Variants in TUBA3C observed in about 807,000 individuals in gnomAD.
TUBA3C encodes tubulin alpha 3c.
TUBA3C carries 23 observed loss-of-function variants against 33.4 expected under a neutral mutation model. The ratio of observed to expected loss-of-function variants is 0.69; its 90% CI spans 0.50 to 0.98. The LOEUF is 0.98. TUBA3C is among the 50% of genes least tolerant of loss of function. The pLI is 0.00. For synonymous variants in TUBA3C, 269 were observed against 250.4 expected (o/e 1.07, Z -0.70); for missense variants, 402 against 616.0 (o/e 0.65, Z 3.68).
rs867660150 is a variant in TUBA3C, at chr13:19,181,815, G to C, written c.-68C>G. ...CTCAACCGCCGCTGCAGCTGCGCAC[G>C]CCCAACGACAGCCTCCCGCCGTGCG... On this transcript the variant is annotated 5_prime_UTR_variant, in exon 1 of 5. Transcript: ENST00000400113. 2 of 1,586,940 alleles carry C rather than the reference G, an allele frequency of 1.3e-6. No individual in the cohort carries two copies. The highest frequency in any genetic ancestry group is 2.7e-5 in the African/African-American group (2 of 74,732).
rs141018590 is a variant in TUBA3C, at chr13:19,181,723, G to C, written c.3+22C>G. The C allele has an allele frequency of 6.5e-5, 104 of 1,601,970 alleles. No individual in the cohort carries two copies. The African/African-American group carries it at 1.3e-3, about 20-fold the overall frequency. On this transcript the variant is annotated intron_variant, in intron 1 of 4. Coordinates refer to ENST00000400113, the MANE Select transcript of TUBA3C (RefSeq NM_006001.3). ...CACCCTCCAGCCTGGGCGTCTGCGG[G>C]GTGGGAGTGACCTGGCCTTACCATG...
At chr13:19,178,093 A>G (rs542368005) in intron 3 of TUBA3C, among the ~76,000 whole-genome samples, 153 bp downstream of exon 3, 1 of 152,254 alleles carries the variant, frequency 6.6e-6, no homozygotes, top group East Asian at 1.9e-4. Flanking sequence ...GTGACTGCCC[A>G]CCTTGGCCTC....
At chr13:19,176,792 C>A in intron 4 of TUBA3C, 135 bp downstream of exon 4, 1 of 440,240 alleles carries the variant, frequency 2.3e-6, no homozygotes, top group Non-Finnish European at 3.8e-6. Context: ...CTCTGGTTCA[C>A]TAATTGATGC....
rs1354838240 is a variant in TUBA3C at position 19,179,563 on chromosome 13, G to C, written c.4C>G (p.Arg2Gly). ...CCCACGTGGATAGAGATACACTCAC[G>C]CTGTGAACCAGAACATAAATGTAGA... M[R>G]ECISIHVGQA... Residue 2 changes from arginine to glycine, a missense_variant and splice_region_variant, in exon 2 of 5, where the codon CGT becomes GGT. Transcript: ENST00000400113. 6.2e-7 allele frequency: 1 copy of C among 1,613,520 alleles called. No individual in the cohort carries two copies. Among genetic ancestry groups the C allele is most frequent in the Middle Eastern group, 1.6e-4 (1 of 6,062 alleles).
Position 19,173,890 on chromosome 13 carries a change from G to C in TUBA3C, c.1326C>G (p.Ala442=). ...YEEVGVDSVE[A]EAEEGEEY ...AGTATTCTTCACCTTCTTCAGCCTC[G>C]GCTTCCACGGAATCCACGCCCACCT... The change falls in exon 5 of 5, where the codon GCC becomes GCG. Residue 442 remains alanine, a synonymous_variant. Coordinates refer to ENST00000400113, the MANE Select transcript of TUBA3C (RefSeq NM_006001.3). The C allele has an allele frequency of 5.6e-6, 9 of 1,613,918 alleles. No individual in the cohort carries two copies. The highest frequency in any genetic ancestry group is 7.6e-6 in the Non-Finnish European group (9 of 1,179,926).
rs746900026 is a variant in TUBA3C, at chr13:19,173,836, G to A, written c.*27C>T. 6.3e-7 allele frequency: 1 copy of A among 1,594,862 alleles called. No homozygotes were observed. Among genetic ancestry groups the A allele is most frequent in the Non-Finnish European group, 8.6e-7 (1 of 1,169,268 alleles). Reference sequence around the variant, plus strand: ...AGCAGCCACGCTGGGGGTGGCAGTGGAGTGGAGAACCCACCACACCCTCCC... The same window carrying A: ...AGCAGCCACGCTGGGGGTGGCAGTGAAGTGGAGAACCCACCACACCCTCCC... On this transcript the variant is annotated 3_prime_UTR_variant, in exon 5 of 5. Transcript: ENST00000400113.
At chr13:19,175,808 A>G (rs937037459) in intron 4 of TUBA3C, among the ~76,000 whole-genome samples, 1 of 151,864 alleles carries the variant, frequency 6.6e-6, no homozygotes, top group African/African-American at 2.4e-5. Flanking sequence ...CAGTGGAGTG[A>G]TATCTTCTCA....
At chr13:19,175,972 G>C (rs1869166107) in intron 4 of TUBA3C, among the ~76,000 whole-genome samples, 1 of 152,176 alleles carries the variant, frequency 6.6e-6, no homozygotes, top group African/African-American at 2.4e-5. Context: ...TCAAACTCCT[G>C]ACCTCAGGTG....
chr13:19,180,751 T>A (rs1348741765), intron 1 of TUBA3C, among the ~76,000 whole-genome samples: 2 of 151,670 alleles, frequency 1.3e-5, no homozygotes, highest in Non-Finnish European at 2.9e-5. Flanking sequence ...CGCCTTGGCC[T>A]CCCAAAGTGC....
chr13:19,178,482 T>C, intron 2 of TUBA3C, 88 bp from the exon 3 acceptor site: 1 of 1,543,278 alleles, frequency 6.5e-7, no homozygotes, highest in Non-Finnish European at 8.8e-7. Flanking sequence ...TTCTACAAAG[T>C]ACATGCTGTT....
At chr13:19,174,274 C>T (rs947622980) in intron 4 of TUBA3C, 115 bp from the exon 5 acceptor site, 7 of 1,398,246 alleles carry the variant, frequency 5.0e-6, no homozygotes, top group African/African-American at 1.4e-5. Flanking sequence ...TCTCAGTTCA[C>T]CCCACAAATG....
chr13:19,179,451 T>C lies in TUBA3C; in HGVS notation c.116A>G (p.Asp39Gly), dbSNP rs765282754. The change falls in exon 2 of 5, where the codon GAT (aspartate) becomes GGT (glycine). Residue 39 changes from aspartate (D) to glycine (G), a missense_variant. Asp to Gly is a moderately conservative substitution (Grantham distance 94). Coordinates refer to ENST00000400113, the MANE Select transcript of TUBA3C (RefSeq NM_006001.3). ...GIQPDGQMPS[D>G]KTIGGGDDSF... is the part of the protein sequence containing the mutation. ...GTCGTCCCCACCACCAATGGTTTTA[T>C]CACTTGGCATCTGACCATCGGGCTG... The C allele has an allele frequency of 8.7e-6, 14 of 1,614,100 alleles. No homozygotes were observed. The highest frequency in any genetic ancestry group is 1.2e-5 in the Non-Finnish European group (14 of 1,179,978).
rs952406256 is a variant in TUBA3C, at chr13:19,180,665, T to G, written c.3+1080A>C. Among the ~76,000 whole-genome samples the G allele has an allele frequency of 3.3e-5, 5 of 151,988 alleles. No homozygotes were observed. The East Asian group carries it at 9.7e-4, about 30-fold the overall frequency. ...TACAGGCCACTATGCCCAACTAATT[T>G]TTTGTATTTTTAGTAGAGATGGGGT... On this transcript the variant is annotated intron_variant, in intron 1 of 4. Coordinates refer to ENST00000400113, the MANE Select transcript of TUBA3C (RefSeq NM_006001.3).
intron 4 of TUBA3C, among the ~76,000 whole-genome samples, chr13:19,176,725 CA>C (rs55746544): frequency 0.014 from 468 of 34,434 alleles, no homozygotes; most frequent in Non-Finnish European, 0.02. Flanking sequence ...GACTCTGCCT[CA>C]AAAAAAAAAA....
At chr13:19,174,243 C>G in intron 4 of TUBA3C, 84 bp from the exon 5 acceptor site, 1 of 1,500,904 alleles carries the variant, frequency 6.7e-7, no homozygotes, top group Admixed American at 2.3e-5. Context: ...AAGAAGACAC[C>G]CTGTAGGTGA....
Position 19,174,077 on chromosome 13 carries a change from T to C in TUBA3C, c.1139A>G (p.Asn380Ser). 1 of 1,613,860 alleles carries C rather than the reference T, an allele frequency of 6.2e-7. No individual in the cohort carries two copies. Among genetic ancestry groups the C allele is most frequent in the Non-Finnish European group, 8.5e-7 (1 of 1,179,992 alleles). The change falls in exon 5 of 5, where the codon AAC becomes AGC. Residue 380 changes from asparagine to serine, a missense_variant. Transcript: ENST00000400113. ...KVQRAVCMLS[N>S]TTAIAEAWAR... The stretch of plus-strand genomic sequence containing the variant: ...CCAGGCCTCCGCGATGGCCGTGGTG[T>C]TGCTCAGCATGCACACAGCCCGCTG...
In TUBA3C at chr13:19,181,824, C is replaced by G; in HGVS notation, c.-77G>C. 7 of 1,577,938 alleles carry G rather than the reference C, an allele frequency of 4.4e-6. No homozygotes were observed. Among genetic ancestry groups the G allele is most frequent in the Non-Finnish European group, 6.0e-6 (7 of 1,165,332 alleles). The stretch of plus-strand genomic sequence containing the variant: ...CGCTGCAGCTGCGCACGCCCAACGA[C>G]AGCCTCCCGCCGTGCGCTGTCTGGG... On this transcript the variant is annotated 5_prime_UTR_variant, in exon 1 of 5. Coordinates refer to ENST00000400113, the MANE Select transcript of TUBA3C (RefSeq NM_006001.3).
intron 2 of TUBA3C, 54 bp from the exon 3 acceptor site, chr13:19,178,448 T>C: frequency 1.2e-6 from 2 of 1,603,660 alleles, no homozygotes; most frequent in African/African-American, 1.3e-5. Flanking sequence ...CTCACCAAGA[T>C]GGACACATTC....
chr13:19,180,344 C>T (rs528940136), intron 1 of TUBA3C, among the ~76,000 whole-genome samples: 1 of 150,460 alleles, frequency 6.6e-6, no homozygotes, highest in African/African-American at 2.4e-5. Flanking sequence ...TGTAATGGCT[C>T]CCAGATGTCA....
Sources: allele counts gnomAD v4.1 joint callset (sites outside exome capture counted in the v4.1 genomes callset), GRCh38; gene constraint gnomAD v4.1.1; transcripts MANE v1.5; gene names NCBI Gene and HGNC (gene_info 2026-07-23, HGNC 2026-07-21).